METTL8: variants seen among roughly 807,000 people sequenced by gnomAD.
METTL8 encodes methyltransferase 8, tRNA N3-cytidine, also known as tRNA N(3)-cytidine methyltransferase METTL8, mitochondrial.
METTL8 carries 32 observed loss-of-function variants against 48.7 expected under a neutral mutation model. The observed-to-expected ratio is 0.66, with a 90% CI of 0.50 to 0.88. The LOEUF (loss-of-function observed/expected upper bound fraction) is 0.88, where lower values mean the gene tolerates loss of function less well. Ranked by LOEUF, METTL8 falls within the 40% of genes least tolerant of loss-of-function variation. METTL8 has a pLI of 0.00. For missense variants in METTL8, 464 were observed against 474.4 expected (o/e 0.98, Z 0.20); for synonymous variants, 136 against 157.1 (o/e 0.87, Z 1.01).
intron 2 of METTL8, among the ~76,000 whole-genome samples, chr2:171,383,653 A>G (rs16859370): frequency 6.6e-6 from 1 of 152,218 alleles, no homozygotes; most frequent in South Asian, 2.1e-4. Flanking sequence ...AGATCCCTTG[A>G]AAAGTTTCTA....
At chr2:171,390,977 T>C (rs1331414819) in intron 2 of METTL8, among the ~76,000 whole-genome samples, 2 of 152,250 alleles carry the variant, frequency 1.3e-5, no homozygotes, top group African/African-American at 4.8e-5. Flanking sequence ...AAAGTTCTAC[T>C]GTAGGTAAAA....
rs972071345 is a variant in METTL8, at chr2:171,318,222, G to A, written c.*5950C>T. 1.3e-5 allele frequency: 2 copies of A among 152,034 alleles called. No homozygotes were observed. Among genetic ancestry groups the A allele is most frequent in the Non-Finnish European group, 2.9e-5 (2 of 68,020 alleles). The allele number at this position is 152,034 out of a possible 1,614,324, so 9.4% of individuals were successfully genotyped here. ...TATAACTACACCAAAGCCATCTTGC[G>A]GGTACCTTTGCGCCTCTCAAATCCC... On this transcript the variant is annotated 3_prime_UTR_variant, in exon 10 of 10. Transcript: ENST00000375258.
At chr2:171,418,232 C>T (rs886113671) in intron 1 of METTL8, among the ~76,000 whole-genome samples, 30 of 152,220 alleles carry the variant, frequency 2.0e-4, no homozygotes, top group Middle Eastern at 3.4e-3. Flanking sequence ...TGTGAGCCAC[C>T]GCACCCGGCC....
intron 1 of METTL8, among the ~76,000 whole-genome samples, chr2:171,406,105 AGT>A (rs1163791146): frequency 2.0e-5 from 3 of 152,234 alleles, no homozygotes; most frequent in Non-Finnish European, 2.9e-5. Flanking sequence ...GAGAGGCCAG[AGT>A]GGACATGATT....
chr2:171,401,655 A>G (rs983422421), intron 1 of METTL8, among the ~76,000 whole-genome samples: 1 of 152,200 alleles, frequency 6.6e-6, no homozygotes, highest in Non-Finnish European at 1.5e-5. Context: ...ATCTCAATCC[A>G]AAATATCTGA....
Position 171,319,574 on chromosome 2 carries a change from T to A in METTL8, c.*4598A>T, listed in dbSNP as rs1317488072. 1 of 152,186 alleles carries A rather than the reference T, an allele frequency of 6.6e-6. No individual in the cohort carries two copies. The highest frequency in any genetic ancestry group is 1.9e-4 in the East Asian group (1 of 5,200). The allele number at this position is 152,186 out of a possible 1,614,324, so 9.4% of individuals were successfully genotyped here. A position where few individuals can be genotyped will look rare whatever the true frequency, so the allele number is the denominator to read the frequency against. On this transcript the variant is annotated 3_prime_UTR_variant, in exon 10 of 10. Transcript: ENST00000375258. ...GCTAGAGTACAGCAACGACTTAGAA[T>A]CACACACGGGTAGAAACCGGGACGT... is the stretch of plus-strand genomic sequence containing the variant.
chr2:171,348,853 A>G (rs1326684056), intron 3 of METTL8, among the ~76,000 whole-genome samples: 1 of 152,176 alleles, frequency 6.6e-6, no homozygotes, highest in Non-Finnish European at 1.5e-5. Context: ...TAAGGGAGAA[A>G]TCATTTTAAG....
At chr2:171,334,390 A>G (rs1685871619) in intron 5 of METTL8, among the ~76,000 whole-genome samples, 1 of 152,134 alleles carries the variant, frequency 6.6e-6, no homozygotes. Context: ...TCAGCTGACT[A>G]CCTTGGCTCT....
At chr2:171,339,066 G>A in intron 4 of METTL8, 118 bp downstream of exon 4, 2 of 785,324 alleles carry the variant, frequency 2.5e-6, no homozygotes, top group East Asian at 2.6e-5. Flanking sequence ...TACACTGAAT[G>A]CTTATTTACA....
intron 2 of METTL8, among the ~76,000 whole-genome samples, chr2:171,383,719 A>G (rs938671014): frequency 3.3e-5 from 5 of 152,244 alleles, no homozygotes; most frequent in African/African-American, 1.2e-4. Flanking sequence ...GTAACTGTGT[A>G]AGTTGCTCAA....
In METTL8 at chr2:171,405,192, A is replaced by G. The variant is rs568454799; in HGVS notation, c.-12-12995T>C. 6.6e-5 allele frequency among the ~76,000 whole-genome samples: 10 copies of G among 152,316 alleles called. No homozygotes were observed. The South Asian group carries it at 2.1e-3, about 32-fold the overall frequency. Reference sequence around the variant, plus strand: ...ATATATTCAAATGGATAGCCCCAATAGGTACTTAGAAATGAATTCATGTGA... The same window carrying G: ...ATATATTCAAATGGATAGCCCCAATGGGTACTTAGAAATGAATTCATGTGA... On this transcript the variant is annotated intron_variant, in intron 1 of 9. Transcript: ENST00000375258.
chr2:171,366,818 C>A (rs969259473), intron 2 of METTL8, among the ~76,000 whole-genome samples: 3 of 145,604 alleles, frequency 2.1e-5, no homozygotes, highest in Admixed American at 7.1e-5. Flanking sequence ...CGCTTGAGTA[C>A]GGGAAGTTGA....
intron 1 of METTL8, among the ~76,000 whole-genome samples, chr2:171,430,964 A>G (rs1161003206): frequency 6.6e-6 from 1 of 152,108 alleles, no homozygotes; most frequent in East Asian, 1.9e-4. Flanking sequence ...CAAACCAATC[A>G]GCATGCACTT....
chr2:171,414,260 A>T (rs1691052874), intron 1 of METTL8, among the ~76,000 whole-genome samples: 1 of 152,088 alleles, frequency 6.6e-6, no homozygotes, highest in Non-Finnish European at 1.5e-5. Context: ...TCTACTAAAA[A>T]TACGAAATTA....
At chr2:171,356,952 A>ATGTTTTTTGTTTTTTTTTTTTTTT in intron 3 of METTL8, among the ~76,000 whole-genome samples, 2 of 78,468 alleles carry the variant, frequency 2.5e-5, no homozygotes, top group African/African-American at 8.9e-5. Context: ...CAAAGACAAT[A>ATGTTTTTTGTTTTTTTTTTTTTTT]TTTTTTTTTT....
chr2:171,381,788 T>A (rs895799905), intron 2 of METTL8, among the ~76,000 whole-genome samples: 3 of 150,324 alleles, frequency 2.0e-5, no homozygotes, highest in African/African-American at 7.3e-5. Flanking sequence ...CACTTTTTTT[T>A]TTTTTTTTTT....
chr2:171,367,970 T>C (rs1685897423), intron 2 of METTL8, among the ~76,000 whole-genome samples: 1 of 152,208 alleles, frequency 6.6e-6, no homozygotes, highest in Non-Finnish European at 1.5e-5. Flanking sequence ...GTGTTGACAT[T>C]TGCAGTGATG....
At chr2:171,382,609 C>T (rs769599394) in intron 2 of METTL8, among the ~76,000 whole-genome samples, 34 of 152,064 alleles carry the variant, frequency 2.2e-4, no homozygotes, top group East Asian at 9.7e-4. Context: ...ATGCATGCAA[C>T]GCCTAAAACC....
intron 3 of METTL8, among the ~76,000 whole-genome samples, chr2:171,356,952 A>ATGTTGTTTTTTTTT: frequency 2.5e-5 from 2 of 78,488 alleles, no homozygotes; most frequent in African/African-American, 8.9e-5. Context: ...CAAAGACAAT[A>ATGTTGTTTTTTTTT]TTTTTTTTTT....
Sources: gnomAD v4.1 joint callset for allele counts (sites outside exome capture counted in the v4.1 genomes callset) on GRCh38, gnomAD v4.1.1 for gene constraint, MANE v1.5 for transcripts, NCBI Gene and HGNC (gene_info 2026-07-23, HGNC 2026-07-21) for gene names.